The following TMEM92 variants were observed in gnomAD, a reference collection of about 807,000 sequenced individuals.
TMEM92 encodes the protein transmembrane protein 92.
Under a neutral mutation model 14.6 loss-of-function variants are expected in TMEM92, and 15 were observed. That is an observed-to-expected ratio of 1.03 (90% CI 0.69 to 1.58). The LOEUF is 1.58. Among genes scored for constraint, TMEM92 ranks in the 40% most tolerant of loss-of-function variants. The pLI is 0.00. For synonymous variants in TMEM92, 85 were observed against 83.3 expected (o/e 1.02, Z -0.11); for missense variants, 174 against 202.4 (o/e 0.86, Z 0.85).
At chr17:50,271,662 AG>A (rs1910250393), upstream of TMEM92, among the ~76,000 whole-genome samples, 1 of 152,224 alleles carries the variant, frequency 6.6e-6, no homozygotes, top group African/African-American at 2.4e-5. Flanking sequence ...CCTGGTTGCC[AG>A]TTTTAACAAA....
At chr17:50,274,373 C>T (rs538183011), upstream of TMEM92, 3 of 904,874 alleles carry the variant, frequency 3.3e-6, no homozygotes, top group East Asian at 2.6e-5. Context: ...CCCCTCCCTG[C>T]CCCGAGTCCG....
At chr17:50,274,151 G>T (rs1360578359), upstream of TMEM92, among the ~76,000 whole-genome samples, 1 of 118,770 alleles carries the variant, frequency 8.4e-6, no homozygotes, top group Non-Finnish European at 1.8e-5. Flanking sequence ...GCTAAATTTT[G>T]TATTTCTAGT....
In TMEM92 at chr17:50,275,225, T is replaced by C. The variant is rs79914341; in HGVS notation, c.69+655T>C. 4.4e-3 allele frequency among the ~76,000 whole-genome samples: 671 copies of C among 152,010 alleles called. 4 individuals carry two copies. The highest frequency in any genetic ancestry group is 0.015 in the African/African-American group (612 of 41,454). On this transcript the variant is annotated intron_variant, in intron 1 of 4. Transcript: ENST00000507382. ...AGCTGTCCGGTCCTGGGATGGGTGT[T>C]TATCCTGGGAACAGAGACGGGTCTA... is the stretch of plus-strand genomic sequence containing the variant.
rs762316229 is a variant in TMEM92, at chr17:50,278,642, G to A, written c.170+12G>A. On this transcript the variant is annotated intron_variant, in intron 3 of 4. Transcript: ENST00000507382. ...CCTGGCCCCGTGAGGTGAGCCCAGG[G>A]CCAGCTCCTTTGGGTGCAGTCCTTG... 3 of 1,613,140 alleles carry A rather than the reference G, an allele frequency of 1.9e-6. No homozygotes were observed. Among genetic ancestry groups the A allele is most frequent in the South Asian group, 2.2e-5 (2 of 91,032 alleles).
In TMEM92 at chr17:50,274,546, C is replaced by T. The variant is rs267604948; in HGVS notation, c.45C>T (p.Phe15=). 7.5e-5 allele frequency: 121 copies of T among 1,613,842 alleles called. No individual in the cohort carries two copies. The highest frequency in any genetic ancestry group is 8.6e-5 in the Non-Finnish European group (101 of 1,179,942). Residue 15 remains phenylalanine, a synonymous_variant, in exon 1 of 5, where the codon TTC becomes TTT. Transcript: ENST00000507382. ...WVPGLAPTLL[F]SLLAGPQKIA... The stretch of plus-strand genomic sequence containing the variant: ...CCGGCCTCGCGCCCACCTTGCTGTT[C>T]AGCCTGCTGGCTGGCCCCCAAAAGG...
In TMEM92 at chr17:50,279,431, T is replaced by C. The variant is rs1910543178; in HGVS notation, c.*123T>C. 3.8e-6 allele frequency: 3 copies of C among 798,656 alleles called. No individual in the cohort carries two copies. In the Admixed American group the frequency reaches 7.4e-5, roughly 20 times the overall value. The allele number at this position is 798,656 out of a possible 1,614,324, so 49.5% of individuals were successfully genotyped here. ...ATCCTGCCGTGTCTCTGTTCATTCT[T>C]GGATTTAACTTATTACTTTTTCTGC... On this transcript the variant is annotated 3_prime_UTR_variant, in exon 5 of 5. Transcript: ENST00000507382.
At chr17:50,277,620 G>C (rs1910468342) in intron 1 of TMEM92, 95 bp from the exon 2 acceptor site, 18 of 1,469,566 alleles carry the variant, frequency 1.2e-5, no homozygotes, top group South Asian at 4.6e-5. Context: ...GGGACCTGCT[G>C]CCTGTGAGGT....
At chr17:50,273,611 C>T (rs951068189), upstream of TMEM92, among the ~76,000 whole-genome samples, 30 of 152,222 alleles carry the variant, frequency 2.0e-4, no homozygotes, top group Non-Finnish European at 2.5e-4. Context: ...ACGAAGGTAC[C>T]CACGTTGTGC....
chr17:50,279,052 A>G, intron 4 of TMEM92, 56 bp downstream of exon 4: 1 of 1,431,050 alleles, frequency 7.0e-7, no homozygotes. Context: ...CAGCAGAGAC[A>G]GTGGAGGGCC....
intron 1 of TMEM92, chr17:50,274,812 C>G: frequency 1.8e-6 from 1 of 552,982 alleles, no homozygotes; most frequent in Non-Finnish European, 3.2e-6. Context: ...CCACCACCCA[C>G]CACCTTATCT....
upstream of TMEM92, among the ~76,000 whole-genome samples, chr17:50,273,612 C>A (rs1910323637): frequency 6.6e-6 from 1 of 152,240 alleles, no homozygotes; most frequent in Non-Finnish European, 1.5e-5. Context: ...CGAAGGTACC[C>A]ACGTTGTGCT....
upstream of TMEM92, among the ~76,000 whole-genome samples, chr17:50,272,407 G>A (rs1910275940): frequency 6.6e-6 from 1 of 152,208 alleles, no homozygotes; most frequent in Non-Finnish European, 1.5e-5. Flanking sequence ...GGATAGCAGG[G>A]AGTGTGGGGT....
chr17:50,277,613 A>G (rs1598329872), intron 1 of TMEM92, 102 bp from the exon 2 acceptor site: 1 of 1,378,754 alleles, frequency 7.3e-7, no homozygotes, highest in Non-Finnish European at 1.0e-6. Flanking sequence ...TCTACTGGGG[A>G]CCTGCTGCCT....
At chr17:50,275,591 C>CT (rs1052216613) in intron 1 of TMEM92, among the ~76,000 whole-genome samples, 4 of 152,166 alleles carry the variant, frequency 2.6e-5, no homozygotes, top group African/African-American at 4.8e-5. Context: ...AACTCAGCCT[C>CT]TGAACCACCC....
chr17:50,273,724 C>T (rs999222776), upstream of TMEM92, among the ~76,000 whole-genome samples: 20 of 152,274 alleles, frequency 1.3e-4, no homozygotes, highest in African/African-American at 4.8e-4. Flanking sequence ...GGTGATATCC[C>T]CCAACCATAA....
chr17:50,274,695 A>C, intron 1 of TMEM92, 125 bp downstream of exon 1: 1 of 845,674 alleles, frequency 1.2e-6, no homozygotes, highest in Non-Finnish European at 1.8e-6. Flanking sequence ...ACAGTTAGCT[A>C]CTTCCTTTCT....
upstream of TMEM92, among the ~76,000 whole-genome samples, chr17:50,273,206 C>G (rs1368722751): frequency 6.6e-6 from 1 of 152,196 alleles, no homozygotes; most frequent in Non-Finnish European, 1.5e-5. Flanking sequence ...ACCCCCTCTC[C>G]CCCTCCCGCG....
chr17:50,277,249 G>A (rs1910457072), intron 1 of TMEM92, among the ~76,000 whole-genome samples: 2 of 152,140 alleles, frequency 1.3e-5, no homozygotes, highest in Non-Finnish European at 2.9e-5. Flanking sequence ...CGAAAGGGGA[G>A]GGAGTGCAGC....
At chr17:50,272,900 C>T (rs572986594), upstream of TMEM92, among the ~76,000 whole-genome samples, 1 of 151,760 alleles carries the variant, frequency 6.6e-6, no homozygotes, top group Non-Finnish European at 1.5e-5. Flanking sequence ...GCTGGGAACT[C>T]GAGAGAAACT....
Sources: gnomAD v4.1 joint callset for allele counts (sites outside exome capture counted in the v4.1 genomes callset) on GRCh38, gnomAD v4.1.1 for gene constraint, MANE v1.5 for transcripts, NCBI Gene and HGNC (gene_info 2026-07-23, HGNC 2026-07-21) for gene names.